PEBP4: variants seen among roughly 807,000 people sequenced by gnomAD.
PEBP4 encodes the protein phosphatidylethanolamine binding protein 4, also known as phosphatidylethanolamine-binding protein 4.
PEBP4 carries 22 observed loss-of-function variants against 23.9 expected under a neutral mutation model. That is an observed-to-expected ratio of 0.92 (90% CI 0.66 to 1.31). The LOEUF is 1.31. Among genes scored for constraint, PEBP4 ranks in the 40% most tolerant of loss-of-function variants. The probability of loss-of-function intolerance (pLI) is 0.00; values close to 1 mark genes in which losing one functional copy is unlikely to be tolerated. For missense variants in PEBP4, 324 were observed against 281.7 expected, an observed-to-expected ratio of 1.15 and a Z score of -1.07; for synonymous variants, 112 against 99.3, an observed-to-expected ratio of 1.13 and a Z score of -0.76.
intron 4 of PEBP4, among the ~76,000 whole-genome samples, chr8:22,759,205 G>A (rs1057414828): frequency 6.6e-6 from 1 of 152,052 alleles, no homozygotes; most frequent in South Asian, 2.1e-4. Flanking sequence ...GTCAGGGGTG[G>A]GGGCTGGGAG....
intron 4 of PEBP4, among the ~76,000 whole-genome samples, chr8:22,809,858 G>A (rs1422879328): frequency 1.3e-5 from 2 of 152,258 alleles, no homozygotes; most frequent in Non-Finnish European, 2.9e-5. Flanking sequence ...CAATATGCCA[G>A]GTGGAGACAC....
In PEBP4 at chr8:22,924,674, C is replaced by G. The variant is rs1809285230; in HGVS notation, c.131+2910G>C. On this transcript the variant is annotated intron_variant, in intron 2 of 6. Coordinates refer to ENST00000256404, the MANE Select transcript of PEBP4 (RefSeq NM_144962.3). ...GACGCTTTGAGCAGCAGCTCCCATC[C>G]CTAGGGGAGCTTGCAGGGCTGACTG... The G allele has an allele frequency of 4.1e-6, 4 of 985,206 alleles. No homozygotes were observed. In the African/African-American group the frequency reaches 7.0e-5, roughly 17 times the overall value. 61.0% of individuals were successfully genotyped at this position (985,206 alleles called of 1,614,324 possible). A position where few individuals can be genotyped will look rare whatever the true frequency, so the allele number is the denominator to read the frequency against.
chr8:22,773,693 TG>T (rs1805760632), intron 4 of PEBP4, among the ~76,000 whole-genome samples: 1 of 152,176 alleles, frequency 6.6e-6, no homozygotes, highest in Admixed American at 6.5e-5. Flanking sequence ...TTCCCAATGT[TG>T]GCATCAGGCT....
intron 3 of PEBP4, among the ~76,000 whole-genome samples, chr8:22,897,033 G>T (rs981401910): frequency 1.6e-4 from 24 of 148,914 alleles, no homozygotes; most frequent in Non-Finnish European, 1.5e-5. Flanking sequence ...GTGTATGTGT[G>T]TGTGTGTGTG....
At chr8:22,804,261 T>A (rs972756261) in intron 4 of PEBP4, among the ~76,000 whole-genome samples, 90 of 151,814 alleles carry the variant, frequency 5.9e-4, no homozygotes, top group African/African-American at 2.0e-3. Flanking sequence ...GGCCCAGGAG[T>A]TGGAGGCTGC....
intron 3 of PEBP4, among the ~76,000 whole-genome samples, chr8:22,900,079 T>C (rs1388185148): frequency 2.6e-5 from 4 of 152,246 alleles, no homozygotes; most frequent in African/African-American, 9.6e-5. Flanking sequence ...GTCTGCAAAC[T>C]GAGGAGCAGG....
intron 4 of PEBP4, among the ~76,000 whole-genome samples, chr8:22,811,514 G>A (rs533711151): frequency 2.6e-5 from 4 of 152,336 alleles, no homozygotes; most frequent in Admixed American, 2.6e-4. Context: ...GGAGATGGCA[G>A]GGGCACTGGC....
intron 3 of PEBP4, among the ~76,000 whole-genome samples, chr8:22,906,121 C>A (rs762696161): frequency 2.0e-5 from 3 of 152,136 alleles, no homozygotes; most frequent in African/African-American, 7.2e-5. Flanking sequence ...AGATGCAGGT[C>A]TTCACTTCAG....
At chr8:22,910,517 A>G (rs1433772655) in intron 3 of PEBP4, among the ~76,000 whole-genome samples, 2 of 152,210 alleles carry the variant, frequency 1.3e-5, no homozygotes, top group Non-Finnish European at 2.9e-5. Context: ...GCAGTTCTCC[A>G]TCCACCTGGA....
upstream of PEBP4, among the ~76,000 whole-genome samples, chr8:22,932,332 T>C (rs1251627899): frequency 1.3e-5 from 2 of 152,192 alleles, no homozygotes; most frequent in Non-Finnish European, 2.9e-5. Flanking sequence ...TGAAATTGCC[T>C]ATGTGATGGT....
At chr8:22,899,314 C>G (rs1349402777) in intron 3 of PEBP4, among the ~76,000 whole-genome samples, 2 of 152,214 alleles carry the variant, frequency 1.3e-5, no homozygotes, top group Non-Finnish European at 2.9e-5. Context: ...GTTCTGCAGG[C>G]AAGTGCCAGC....
At chr8:22,911,504 G>A (rs1308399946) in intron 3 of PEBP4, among the ~76,000 whole-genome samples, 1 of 152,136 alleles carries the variant, frequency 6.6e-6, no homozygotes, top group East Asian at 1.9e-4. Context: ...CCCACAAGCC[G>A]GCAAGTTTTA....
chr8:22,769,304 C>T (rs1346230223), intron 4 of PEBP4, among the ~76,000 whole-genome samples: 2 of 152,182 alleles, frequency 1.3e-5, no homozygotes, highest in African/African-American at 4.8e-5. Context: ...CAGGAGGCTA[C>T]CTGAGACTCC....
intron 4 of PEBP4, among the ~76,000 whole-genome samples, chr8:22,809,384 C>T (rs1806569135): frequency 6.6e-6 from 1 of 152,120 alleles, no homozygotes; most frequent in Admixed American, 6.5e-5. Flanking sequence ...GAGGTGCCAC[C>T]AATCTCAAAC....
chr8:22,921,375 C>G (rs1809196619), intron 2 of PEBP4, among the ~76,000 whole-genome samples: 1 of 152,176 alleles, frequency 6.6e-6, no homozygotes, highest in African/African-American at 2.4e-5. Flanking sequence ...GTCCACAGTG[C>G]CTTGCTGGGG....
intron 3 of PEBP4, among the ~76,000 whole-genome samples, chr8:22,837,686 C>A (rs977368727): frequency 6.6e-6 from 1 of 151,948 alleles, no homozygotes; most frequent in Non-Finnish European, 1.5e-5. Context: ...AGTCTCTCTG[C>A]CCATCAGAAA....
chr8:22,730,006 G>C (rs73671269), intron 4 of PEBP4, among the ~76,000 whole-genome samples: 5 of 152,192 alleles, frequency 3.3e-5, no homozygotes, highest in South Asian at 2.1e-4. Flanking sequence ...AATCCAGAAT[G>C]TTCAAGGAGG....
At chr8:22,908,389 CAAACAAAAA>C (rs975009561) in intron 3 of PEBP4, among the ~76,000 whole-genome samples, 3 of 139,568 alleles carry the variant, frequency 2.1e-5, no homozygotes, top group African/African-American at 8.0e-5. Flanking sequence ...AACAAACAAA[CAAACAAAAA>C]AAAAAACCTG....
intron 3 of PEBP4, among the ~76,000 whole-genome samples, chr8:22,825,611 C>G (rs1242625838): frequency 6.6e-6 from 1 of 152,178 alleles, no homozygotes; most frequent in African/African-American, 2.4e-5. Context: ...GATGAGGTAG[C>G]TGAGCCAGGT....
Sources: gnomAD v4.1 joint callset for allele counts (sites outside exome capture counted in the v4.1 genomes callset) on GRCh38, gnomAD v4.1.1 for gene constraint, MANE v1.5 for transcripts, NCBI Gene and HGNC (gene_info 2026-07-23, HGNC 2026-07-21) for gene names.